DSCAML1: variants seen among roughly 807,000 people sequenced by gnomAD.
DSCAML1 encodes the protein DS cell adhesion molecule like 1, also known as cell adhesion molecule DSCAML1.
A neutral mutation model predicts 200.5 loss-of-function variants in DSCAML1; 38 were observed. The ratio of observed to expected loss-of-function variants is 0.19; its 90% confidence interval spans 0.15 to 0.25. DSCAML1 has a LOEUF of 0.25. Among genes scored for constraint, DSCAML1 ranks in the 10% least tolerant of loss-of-function variants. DSCAML1 has a pLI of 1.00. For synonymous variants in DSCAML1, 1,215 were observed against 1,165.0 expected, an observed-to-expected ratio of 1.04 and a Z score of -0.87; for missense variants, 2,223 against 2,858.8, an observed-to-expected ratio of 0.78 and a Z score of 5.07.
intron 3 of DSCAML1, among the ~76,000 whole-genome samples, chr11:117,771,375 A>G (rs1371079177): frequency 1.3e-5 from 2 of 152,214 alleles, no homozygotes; most frequent in African/African-American, 2.4e-5. Flanking sequence ...CATGGGGCCA[A>G]AAACAGAGCC....
chr11:117,628,622 T>C (rs1179761430), intron 3 of DSCAML1, among the ~76,000 whole-genome samples: 1 of 152,194 alleles, frequency 6.6e-6, no homozygotes, highest in Non-Finnish European at 1.5e-5. Context: ...TTGCACTATC[T>C]GGTCCCATAG....
At chr11:117,683,717 G>A (rs1198399658) in intron 3 of DSCAML1, among the ~76,000 whole-genome samples, 1 of 152,216 alleles carries the variant, frequency 6.6e-6, no homozygotes, top group Non-Finnish European at 1.5e-5. Flanking sequence ...CTTTGGGCAA[G>A]TGACTCAACC....
At position 117,782,186 on chromosome 11, in the gene DSCAML1, G is replaced by A. The variant is rs371426736; in HGVS notation, c.47-1376C>T. ...GATGGGGGAGGGCCCACATCCGGCC[G>A]TATTAATATTCTTGGCTTAACTCTG... On this transcript the variant is annotated intron_variant, in intron 1 of 32. Coordinates refer to ENST00000651296, the MANE Select transcript of DSCAML1 (RefSeq NM_020693.4). Among the ~76,000 whole-genome samples the A allele has an allele frequency of 5.1e-4, 77 of 152,300 alleles. 1 individual carries two copies. The highest frequency in any genetic ancestry group is 6.8e-3 in the Middle Eastern group (2 of 294).
At chr11:117,578,236 GAAAA>G (rs59533726) in intron 3 of DSCAML1, among the ~76,000 whole-genome samples, 26,720 of 101,272 alleles carry the variant, frequency 0.26, 3,356 homozygotes, top group Admixed American at 0.36. Flanking sequence ...ACTCTGTCTC[GAAAA>G]AAAAAAAAAA....
chr11:117,673,510 C>T (rs376393039), intron 3 of DSCAML1, among the ~76,000 whole-genome samples: 3 of 152,276 alleles, frequency 2.0e-5, no homozygotes, highest in Admixed American at 2.0e-4. Flanking sequence ...AGAGTCTGGC[C>T]CCATCCCCAT....
In DSCAML1 at chr11:117,503,814, G is replaced by T. The variant is rs1435287823; in HGVS notation, c.2359+31C>A. ...GCCGGGGCTTGGCTGTGATTTGGGGGTGCTAGGGGGCGTGTGGGGACAGGA... is the reference window on the plus strand; with the variant it reads ...GCCGGGGCTTGGCTGTGATTTGGGGTTGCTAGGGGGCGTGTGGGGACAGGA... On this transcript the variant is annotated intron_variant, in intron 11 of 32. Transcript: ENST00000651296. The surrounding 1 kb of genome is among the most constrained non-coding windows in gnomAD (Gnocchi z 5.2). 10 of 1,603,206 alleles carry T rather than the reference G, an allele frequency of 6.2e-6. No individual in the cohort carries two copies. The highest frequency in any genetic ancestry group is 2.2e-5 in the East Asian group (1 of 44,740).
chr11:117,568,714 T>C (rs1791897246), intron 3 of DSCAML1, among the ~76,000 whole-genome samples: 1 of 151,958 alleles, frequency 6.6e-6, no homozygotes, highest in Admixed American at 6.5e-5. Flanking sequence ...CTCAAGGAAA[T>C]AAAAGAGGAT....
intron 3 of DSCAML1, among the ~76,000 whole-genome samples, chr11:117,547,219 C>T (rs951380006): frequency 6.6e-6 from 1 of 152,208 alleles, no homozygotes; most frequent in African/African-American, 2.4e-5. Context: ...CCCAGAGCCC[C>T]CACCCCCACT....
chr11:117,589,105 C>T (rs567595566), intron 3 of DSCAML1, among the ~76,000 whole-genome samples: 1 of 152,312 alleles, frequency 6.6e-6, no homozygotes, highest in Non-Finnish European at 1.5e-5. Context: ...TTACTCCAAG[C>T]CTCAGATGGG....
At chr11:117,681,389 A>T (rs1214421867) in intron 3 of DSCAML1, among the ~76,000 whole-genome samples, 1 of 152,222 alleles carries the variant, frequency 6.6e-6, no homozygotes, top group African/African-American at 2.4e-5. Flanking sequence ...ATTCATAAGC[A>T]TTCCTATGTG....
chr11:117,809,450 A>G (rs2055737584), intron 1 of DSCAML1, among the ~76,000 whole-genome samples: 1 of 152,238 alleles, frequency 6.6e-6, no homozygotes, highest in African/African-American at 2.4e-5. Context: ...AGGAAGCTCC[A>G]GGCCTCCGCA....
At chr11:117,483,112 G>A (rs145508609) in intron 11 of DSCAML1, among the ~76,000 whole-genome samples, 1,941 of 152,318 alleles carry the variant, frequency 0.013, 37 homozygotes, top group African/African-American at 0.045. Flanking sequence ...CTCTGGGCCT[G>A]AGCACCTGCG....
In DSCAML1 at chr11:117,498,430, G is replaced by A. The variant is rs1316994102; in HGVS notation, c.2359+5415C>T. The stretch of plus-strand genomic sequence containing the variant: ...GAAGCAGGGAATTCCCTGGGTACCT[G>A]GACTGTGGTCTAGAAAGGGATTTGT... On this transcript the variant is annotated intron_variant, in intron 11 of 32. Coordinates refer to ENST00000651296, the MANE Select transcript of DSCAML1 (RefSeq NM_020693.4). This position sits in a 1 kb window ranked among gnomAD's most constrained non-coding sequence, Gnocchi z 4.0. Among the ~76,000 whole-genome samples the A allele has an allele frequency of 6.6e-6, 1 of 152,184 alleles. No homozygotes were observed. The highest frequency in any genetic ancestry group is 1.5e-5 in the Non-Finnish European group (1 of 68,028).
chr11:117,758,938 T>G (rs1213507100), intron 3 of DSCAML1, among the ~76,000 whole-genome samples: 1 of 152,162 alleles, frequency 6.6e-6, no homozygotes, highest in African/African-American at 2.4e-5. Context: ...ATATCGCTTT[T>G]CAGGAGATCG....
At chr11:117,569,624 C>G (rs1161287184) in intron 3 of DSCAML1, among the ~76,000 whole-genome samples, 4 of 152,186 alleles carry the variant, frequency 2.6e-5, no homozygotes, top group Admixed American at 2.6e-4. Flanking sequence ...ACTACCTTGG[C>G]TAAGGTGGTG....
At chr11:117,664,572 T>C (rs1433199417) in intron 3 of DSCAML1, among the ~76,000 whole-genome samples, 1 of 152,184 alleles carries the variant, frequency 6.6e-6, no homozygotes, top group African/African-American at 2.4e-5. Flanking sequence ...TACCTAGCGC[T>C]GTATGTGAAT....
intron 27 of DSCAML1, among the ~76,000 whole-genome samples, chr11:117,434,993 G>GA (rs879834941): frequency 2.6e-5 from 4 of 152,136 alleles, no homozygotes; most frequent in Non-Finnish European, 5.9e-5. Context: ...GTTCTTTATT[G>GA]ATCTCTATAG....
intron 3 of DSCAML1, among the ~76,000 whole-genome samples, chr11:117,649,380 A>G (rs533082651): frequency 1.3e-5 from 2 of 152,102 alleles, no homozygotes; most frequent in Admixed American, 1.3e-4. Flanking sequence ...ACTTATCACT[A>G]TTTTTGCAGG....
At chr11:117,735,467 C>A (rs2054300263) in intron 3 of DSCAML1, among the ~76,000 whole-genome samples, 1 of 152,104 alleles carries the variant, frequency 6.6e-6, no homozygotes, top group African/African-American at 2.4e-5. Context: ...GACACCTGCC[C>A]CTGAAGAGAG....
Sources: gnomAD v4.1 joint callset for allele counts (sites outside exome capture counted in the v4.1 genomes callset) on GRCh38, gnomAD v4.1.1 for gene constraint, Gnocchi (gnomAD v3.1) non-coding constraint, MANE v1.5 for transcripts, NCBI Gene and HGNC (gene_info 2026-07-23, HGNC 2026-07-21) for gene names.